Variants in METTL15 observed in about 807,000 individuals in gnomAD.
METTL15 encodes 12S rRNA N(4)-cytidine methyltransferase METTL15.
METTL15 carries 34 observed loss-of-function variants against 38.3 expected under a neutral mutation model. The observed-to-expected ratio is 0.89, with a 90% CI of 0.68 to 1.18. METTL15 has a LOEUF of 1.18. Among genes scored for constraint, METTL15 ranks in the 50% most tolerant of loss-of-function variants. The probability of loss-of-function intolerance (pLI) is 0.00; values close to 1 mark genes in which losing one functional copy is unlikely to be tolerated. For synonymous variants in METTL15, 162 were observed against 170.9 expected, an observed-to-expected ratio of 0.95 and a Z score of 0.41; for missense variants, 438 against 498.4, an observed-to-expected ratio of 0.88 and a Z score of 1.15.
intron 3 of METTL15, among the ~76,000 whole-genome samples, chr11:28,171,287 A>T (rs1850848295): frequency 6.6e-6 from 1 of 152,194 alleles, no homozygotes; most frequent in African/African-American, 2.4e-5. Flanking sequence ...GTGACCTCAG[A>T]TCAGTCTTAA....
chr11:28,387,508 C>T (rs1047998029), intron 5 of METTL15, among the ~76,000 whole-genome samples: 1 of 151,702 alleles, frequency 6.6e-6, no homozygotes, highest in Admixed American at 6.6e-5. Context: ...AAATAAAAAG[C>T]CTGAACAGAC....
chr11:28,506,828 T>A (rs1047703075), intron 6 of METTL15, among the ~76,000 whole-genome samples: 1 of 146,214 alleles, frequency 6.8e-6, no homozygotes, highest in African/African-American at 2.5e-5. Context: ...CATTGCAACC[T>A]CTGCCTCCTG....
chr11:28,351,862 T>C (rs1850044398), intron 3 of METTL15, among the ~76,000 whole-genome samples: 1 of 152,242 alleles, frequency 6.6e-6, no homozygotes, highest in Non-Finnish European at 1.5e-5. Context: ...AGAGACTGTT[T>C]ACGTTTTATA....
intron 4 of METTL15, among the ~76,000 whole-genome samples, chr11:28,224,771 A>G (rs1320545041): frequency 2.6e-5 from 4 of 151,864 alleles, no homozygotes; most frequent in African/African-American, 4.8e-5. Flanking sequence ...TGCGTTTTGC[A>G]TAAACAAATC....
At chr11:28,305,755 G>T (rs569112969) in intron 6 of METTL15, among the ~76,000 whole-genome samples, 1 of 152,158 alleles carries the variant, frequency 6.6e-6, no homozygotes, top group African/African-American at 2.4e-5. Context: ...AGAAAAAAGA[G>T]AAATTTATTT....
At position 28,189,481 on chromosome 11, in the gene METTL15, A is replaced by G. The variant is rs1200030661; in HGVS notation, c.271-21581A>G. Among the ~76,000 whole-genome samples the G allele has an allele frequency of 4.0e-5, 6 of 151,304 alleles. No individual in the cohort carries two copies. The Admixed American group carries it at 4.0e-4, about 10-fold the overall frequency. Reference sequence around the variant, plus strand: ...TTTAGCTAAAGCACTAATTGGAATAATGTAGTTTTTTTTTATAAACTTCTT... The same window carrying G: ...TTTAGCTAAAGCACTAATTGGAATAGTGTAGTTTTTTTTTATAAACTTCTT... On this transcript the variant is annotated intron_variant, in intron 3 of 6. Transcript: ENST00000407364.
chr11:28,507,663 A>T (rs1851640013), intron 6 of METTL15, among the ~76,000 whole-genome samples: 2 of 152,300 alleles, frequency 1.3e-5, no homozygotes, highest in Non-Finnish European at 2.9e-5. Context: ...CATCTCAGAA[A>T]TGGGACCCTA....
At chr11:28,395,053 A>C (rs1850554068) in intron 5 of METTL15, among the ~76,000 whole-genome samples, 1 of 152,116 alleles carries the variant, frequency 6.6e-6, no homozygotes, top group African/African-American at 2.4e-5. Context: ...AAAATTAATG[A>C]AATCAATTTT....
At chr11:28,175,910 AATAT>A (rs34260210) in intron 3 of METTL15, among the ~76,000 whole-genome samples, 4 of 149,664 alleles carry the variant, frequency 2.7e-5, no homozygotes, top group Non-Finnish European at 5.9e-5. Flanking sequence ...TAAATGTGCA[AATAT>A]ATATATATAT....
At chr11:28,338,042 C>T (rs1225921167), downstream of METTL15, among the ~76,000 whole-genome samples, 1 of 151,842 alleles carries the variant, frequency 6.6e-6, no homozygotes, top group African/African-American at 2.4e-5. Flanking sequence ...TACTTTTTAC[C>T]CCTGTGTTTC....
chr11:28,311,795 G>T (rs769145569), intron 6 of METTL15, among the ~76,000 whole-genome samples: 112 of 152,232 alleles, frequency 7.4e-4, no homozygotes, highest in Non-Finnish European at 1.4e-3. Context: ...TGAATGAAAC[G>T]TAAGTATGAG....
chr11:28,513,801 G>A (rs1851696543), intron 6 of METTL15, among the ~76,000 whole-genome samples: 1 of 152,266 alleles, frequency 6.6e-6, no homozygotes, highest in Non-Finnish European at 1.5e-5. Flanking sequence ...GATCGCTCAT[G>A]CTATTGTTTG....
chr11:28,189,580 G>A (rs901812179), intron 3 of METTL15, among the ~76,000 whole-genome samples: 1 of 151,032 alleles, frequency 6.6e-6, no homozygotes, highest in Non-Finnish European at 1.5e-5. Flanking sequence ...ATTAACCATG[G>A]AGCAAGTGGT....
intron 4 of METTL15, chr11:28,287,712 G>A (rs981478448): frequency 6.6e-6 from 1 of 152,636 alleles, no homozygotes; most frequent in Non-Finnish European, 1.5e-5. Flanking sequence ...CTAGCCACAA[G>A]TTTCTCTCCC....
Position 28,482,489 on chromosome 11 carries a change from A to G in METTL15, c.*425-43989A>G, listed in dbSNP as rs2133474357. Among the ~76,000 whole-genome samples the G allele has an allele frequency of 2.6e-5, 4 of 152,362 alleles. 1 individual carries two copies. In the Middle Eastern group the frequency reaches 0.014, roughly 518 times the overall value. ...CAAAGTGCTTAGCACAGTACTTGGC[A>G]CAGAACTGAGTAGTTGCTCAGGAAA... On this transcript the variant is annotated intron_variant and NMD_transcript_variant, in intron 6 of 7. Coordinates refer to the METTL15 transcript ENST00000532947.
intron 6 of METTL15, among the ~76,000 whole-genome samples, chr11:28,505,370 C>G (rs920644460): frequency 1.3e-5 from 2 of 152,148 alleles, no homozygotes; most frequent in African/African-American, 2.4e-5. Context: ...CCAAGCAGGA[C>G]GATTTACTGA....
chr11:28,122,361 GTGTGTGTGTGTATA>G (rs377119681), intron 3 of METTL15, among the ~76,000 whole-genome samples: 5,609 of 92,470 alleles, frequency 0.061, 341 homozygotes, highest in African/African-American at 0.19. Context: ...GTGTGTGTGT[GTGTGTGTGTGTATA>G]TATATATATA....
chr11:28,425,288 G>C (rs1478357268), intron 6 of METTL15, among the ~76,000 whole-genome samples: 3 of 152,140 alleles, frequency 2.0e-5, no homozygotes, highest in Admixed American at 6.5e-5. Context: ...ATATGCATCT[G>C]GTCATATTAC....
chr11:28,382,943 G>T (rs764817781), intron 5 of METTL15, among the ~76,000 whole-genome samples: 1 of 145,546 alleles, frequency 6.9e-6, no homozygotes, highest in Non-Finnish European at 1.5e-5. Flanking sequence ...TGGGATATTG[G>T]TGATGGTGAC....
Sources: gnomAD v4.1 joint callset for allele counts (sites outside exome capture counted in the v4.1 genomes callset) on GRCh38, gnomAD v4.1.1 for gene constraint, MANE v1.5 for transcripts, NCBI Gene and HGNC (gene_info 2026-07-23, HGNC 2026-07-21) for gene names.